Variants in EPB41L3 observed in about 807,000 individuals in gnomAD.
EPB41L3 encodes erythrocyte membrane protein band 4.1 like 3, also known as band 4.1-like protein 3.
Under a neutral mutation model 127.1 loss-of-function variants are expected in EPB41L3, and 57 were observed. The observed-to-expected ratio is 0.45, with a 90% CI of 0.36 to 0.56. The LOEUF (loss-of-function observed/expected upper bound fraction) is 0.56. Among genes scored for constraint, EPB41L3 ranks in the 20% least tolerant of loss-of-function variants. The pLI is 0.00. For synonymous variants in EPB41L3, 572 were observed against 549.5 expected (o/e 1.04, Z -0.57); for missense variants, 1,273 against 1,372.2 (o/e 0.93, Z 1.14).
At chr18:5,497,366 C>T (rs907845444) in intron 1 of EPB41L3, among the ~76,000 whole-genome samples, 5 of 152,132 alleles carry the variant, frequency 3.3e-5, no homozygotes, top group Non-Finnish European at 5.9e-5. Flanking sequence ...GGGATGGCAA[C>T]AGTCCAGGTG....
At chr18:5,399,299 C>T in intron 16 of EPB41L3, 1 of 399,074 alleles carries the variant, frequency 2.5e-6, no homozygotes. Context: ...TGCTCACGGT[C>T]ACCACCTTGT....
chr18:5,502,240 G>C (rs1490138321), intron 1 of EPB41L3, among the ~76,000 whole-genome samples: 1 of 151,780 alleles, frequency 6.6e-6, no homozygotes, highest in Non-Finnish European at 1.5e-5. Context: ...CCAATAAATA[G>C]CTCTTTCAAT....
chr18:5,529,834 T>A (rs896378166), intron 1 of EPB41L3, among the ~76,000 whole-genome samples: 6 of 152,090 alleles, frequency 3.9e-5, no homozygotes, highest in African/African-American at 1.4e-4. Flanking sequence ...GGCTGATACA[T>A]GAAGGCTACT....
intron 2 of EPB41L3, among the ~76,000 whole-genome samples, chr18:5,484,546 A>G (rs1403450939): frequency 2.6e-5 from 4 of 152,014 alleles, no homozygotes; most frequent in Non-Finnish European, 5.9e-5. Flanking sequence ...AGATCAACAA[A>G]ACAATGAGTT....
chr18:5,605,688 T>C (rs79975435), intron 3 of EPB41L3, among the ~76,000 whole-genome samples: 2,052 of 152,234 alleles, frequency 0.013, 50 homozygotes, highest in African/African-American at 0.046. Flanking sequence ...CCTTCCAAAG[T>C]GCTAGGATTA....
Position 5,489,007 on chromosome 18 carries a change from C to A in EPB41L3, c.177G>T (p.Arg59=), listed in dbSNP as rs1379846959. Residue 59 remains arginine (R), a synonymous_variant, in exon 2 of 23, where the codon CGG becomes CGT. Transcript: ENST00000341928. Reference sequence around the variant, plus strand: ...TTTTCTGGCCTGGGCTCACCTCCCTCCGCACCGGGGTGCTGTGCGCTGCAG... The same window carrying A: ...TTTTCTGGCCTGGGCTCACCTCCCTACGCACCGGGGTGCTGTGCGCTGCAG... ...AAAAAHSTPV[R]REVTDKEQEF... The A allele has an allele frequency of 6.3e-7, 1 of 1,581,862 alleles. No individual in the cohort carries two copies. Among genetic ancestry groups the A allele is most frequent in the East Asian group, 2.3e-5 (1 of 42,884 alleles).
intron 3 of EPB41L3, among the ~76,000 whole-genome samples, chr18:5,465,596 G>T (rs1295833534): frequency 6.6e-6 from 1 of 152,026 alleles, no homozygotes; most frequent in African/African-American, 2.4e-5. Flanking sequence ...TAACTTTAAA[G>T]AACCTTTCAA....
intron 3 of EPB41L3, among the ~76,000 whole-genome samples, chr18:5,604,014 C>A (rs1327559644): frequency 1.4e-5 from 1 of 71,940 alleles, no homozygotes; most frequent in Non-Finnish European, 3.1e-5. Flanking sequence ...TCCACACACA[C>A]ACACACGTGC....
intron 1 of EPB41L3, among the ~76,000 whole-genome samples, chr18:5,540,989 G>A (rs1052748647): frequency 6.6e-6 from 1 of 150,920 alleles, no homozygotes; most frequent in African/African-American, 2.4e-5. Context: ...GGAGGCTGAG[G>A]CAGGAGAATG....
At chr18:5,629,249 C>CCGGGAG (rs2094959497), upstream of EPB41L3, among the ~76,000 whole-genome samples, 1 of 151,898 alleles carries the variant, frequency 6.6e-6, no homozygotes, top group African/African-American at 2.4e-5. Flanking sequence ...CGTGGGGGTA[C>CCGGGAG]CGGGAGCTGG....
intron 1 of EPB41L3, among the ~76,000 whole-genome samples, chr18:5,539,429 C>T (rs1168204955): frequency 6.6e-6 from 1 of 152,168 alleles, no homozygotes; most frequent in African/African-American, 2.4e-5. Context: ...AACCAATCAT[C>T]GCAAGGACTA....
At chr18:5,433,753 G>T in intron 7 of EPB41L3, 150 bp downstream of exon 7, 1 of 929,904 alleles carries the variant, frequency 1.1e-6, no homozygotes, top group Non-Finnish European at 1.7e-6. Context: ...GTGAGAGCTT[G>T]CCCATCTCAG....
intron 2 of EPB41L3, 108 bp downstream of exon 2, chr18:5,488,893 A>T (rs1296686209): frequency 8.3e-7 from 1 of 1,203,396 alleles, no homozygotes. Context: ...GAAGGGGAAC[A>T]GCAGATGACC....
rs546897418 is a variant in EPB41L3, at chr18:5,574,242, T to G, written c.-306+38098A>C. ...TATGAACCTTATATTACAGTCAGAT[T>G]TTTTTCTTGTTTAGAAATGGGGTCT... On this transcript the variant is annotated intron_variant, in intron 3 of 21. Transcript: ENST00000545076. Among the ~76,000 whole-genome samples, 378 of 152,104 alleles carry G rather than the reference T, an allele frequency of 2.5e-3. 2 individuals are homozygous for G. Among genetic ancestry groups the G allele is most frequent in the African/African-American group, 8.5e-3 (351 of 41,522 alleles).
intron 1 of EPB41L3, among the ~76,000 whole-genome samples, chr18:5,510,980 A>G (rs1457509593): frequency 1.3e-5 from 2 of 152,174 alleles, no homozygotes; most frequent in African/African-American, 2.4e-5. Context: ...AGACTTTGAA[A>G]TAACTACACG....
chr18:5,404,713 A>C (rs2075072252), intron 16 of EPB41L3, among the ~76,000 whole-genome samples: 4 of 152,204 alleles, frequency 2.6e-5, no homozygotes, highest in Non-Finnish European at 5.9e-5. Context: ...GTTGTTCCCT[A>C]AACTTTCATT....
At chr18:5,441,462 A>ATTT (rs201943060) in intron 5 of EPB41L3, among the ~76,000 whole-genome samples, 4 of 139,722 alleles carry the variant, frequency 2.9e-5, no homozygotes, top group African/African-American at 1.1e-4. Context: ...TCGAATTCCA[A>ATTT]TTTTTTTTTT....
At chr18:5,518,344 T>C (rs955045625) in intron 1 of EPB41L3, among the ~76,000 whole-genome samples, 11 of 151,994 alleles carry the variant, frequency 7.2e-5, no homozygotes, top group African/African-American at 2.2e-4. Context: ...TCCCACCCCG[T>C]GTACTCCCTC....
At chr18:5,531,413 T>C in intron 1 of EPB41L3, among the ~76,000 whole-genome samples, 1 of 152,054 alleles carries the variant, frequency 6.6e-6, no homozygotes, top group Non-Finnish European at 1.5e-5. Context: ...CTCTTGCAAT[T>C]GGGAAACCTT....
Sources: allele counts gnomAD v4.1 joint callset (sites outside exome capture counted in the v4.1 genomes callset), GRCh38; gene constraint gnomAD v4.1.1; transcripts MANE v1.5; gene names NCBI Gene and HGNC (gene_info 2026-07-23, HGNC 2026-07-21).